Variants in ADAM22 observed in about 807,000 individuals in gnomAD.
The protein encoded by ADAM22 is disintegrin and metalloproteinase domain-containing protein 22.
ADAM22 carries 65 observed loss-of-function variants against 144.6 expected under a neutral mutation model. The ratio of observed to expected loss-of-function variants is 0.45; its 90% CI spans 0.37 to 0.55. The LOEUF is 0.55. Among genes scored for constraint, ADAM22 ranks in the 20% least tolerant of loss-of-function variants. The pLI, the probability that ADAM22 is intolerant of heterozygous loss-of-function variation, is 0.00. For synonymous variants in ADAM22, 391 were observed against 412.6 expected (o/e 0.95, Z 0.63); for missense variants, 974 against 1,184.9 (o/e 0.82, Z 2.61).
At chr7:88,050,597 C>A (rs1306627193) in intron 3 of ADAM22, among the ~76,000 whole-genome samples, 1 of 151,912 alleles carries the variant, frequency 6.6e-6, no homozygotes, top group Non-Finnish European at 1.5e-5. Flanking sequence ...GATTTGCATT[C>A]TCTGATGGCC....
intron 15 of ADAM22, among the ~76,000 whole-genome samples, chr7:88,143,401 A>G (rs1835382055): frequency 1.3e-5 from 2 of 152,172 alleles, no homozygotes; most frequent in South Asian, 4.1e-4. Context: ...ATTCAGAGTT[A>G]GTTTACAAAA....
At chr7:87,988,515 TAA>T (rs1788994055) in intron 3 of ADAM22, among the ~76,000 whole-genome samples, 1 of 152,212 alleles carries the variant, frequency 6.6e-6, no homozygotes, top group South Asian at 2.1e-4. Flanking sequence ...GGATATATAT[TAA>T]GTTAGTGTTT....
intron 2 of ADAM22, among the ~76,000 whole-genome samples, chr7:87,956,843 T>C (rs1846897110): frequency 6.6e-6 from 1 of 152,256 alleles, no homozygotes. Context: ...GTTATTTCCA[T>C]TCTTTGGCTA....
At chr7:87,945,482 A>G (rs1843465127) in intron 2 of ADAM22, among the ~76,000 whole-genome samples, 1 of 152,022 alleles carries the variant, frequency 6.6e-6, no homozygotes, top group African/African-American at 2.4e-5. Context: ...CAGTATGCTG[A>G]AGAATGAAGC....
chr7:88,091,528 G>A (rs1456061785), intron 4 of ADAM22, among the ~76,000 whole-genome samples: 13 of 152,222 alleles, frequency 8.5e-5, no homozygotes, highest in African/African-American at 3.1e-4. Flanking sequence ...TGGAGTAATA[G>A]CAAATACTTG....
At chr7:87,959,701 G>T (rs1039395547) in intron 2 of ADAM22, among the ~76,000 whole-genome samples, 3 of 151,988 alleles carry the variant, frequency 2.0e-5, no homozygotes, top group African/African-American at 7.2e-5. Flanking sequence ...TAGAAGAAAG[G>T]GCTTCTAAAA....
chr7:87,956,503 T>A (rs528631779), intron 2 of ADAM22, among the ~76,000 whole-genome samples: 12 of 152,228 alleles, frequency 7.9e-5, no homozygotes, highest in Non-Finnish European at 1.6e-4. Flanking sequence ...GGTATACGAT[T>A]GAGTTTTTGG....
At chr7:88,190,678 A>C (rs1473688534) in intron 30 of ADAM22, among the ~76,000 whole-genome samples, 1 of 152,212 alleles carries the variant, frequency 6.6e-6, no homozygotes, top group African/African-American at 2.4e-5. Context: ...AGTAGTCAAT[A>C]AAGGTCAGAA....
rs1831020605 is a variant in ADAM22 at position 88,128,620 on chromosome 7, A to G, written c.697A>G (p.Asn233Asp). The G allele has an allele frequency of 1.9e-6, 3 of 1,611,682 alleles. No individual in the cohort carries two copies. The highest frequency in any genetic ancestry group is 4.5e-5 in the East Asian group (2 of 44,804). ...SKRQLRRYPR[N>D]VEEETKYIEL... is the part of the protein sequence containing the mutation. Reference sequence around the variant, plus strand: ...GTTACAGCTTCGTCGATATCCTCGTAATGTAGAAGAAGAAACCAAATACAT... The same window carrying G: ...GTTACAGCTTCGTCGATATCCTCGTGATGTAGAAGAAGAAACCAAATACAT... The change falls in exon 9 of 32, where the codon AAT becomes GAT. Residue 233 changes from asparagine to aspartate, a missense_variant. Around this residue, in one of 2 missense-constraint regions of ADAM22, gnomAD observed 734 missense variants for 950.6 expected, o/e 0.77. Coordinates refer to ENST00000413139, the MANE Select transcript of ADAM22 (RefSeq NM_001324418.2).
intron 3 of ADAM22, among the ~76,000 whole-genome samples, chr7:87,979,534 A>G (rs1039231048): frequency 6.6e-6 from 1 of 152,104 alleles, no homozygotes; most frequent in African/African-American, 2.4e-5. Context: ...TGACATTGCC[A>G]TTTTTATAGG....
rs554519221 is a variant in ADAM22, at chr7:88,151,122, T to G, written c.1617+91T>G. Reference sequence around the variant, plus strand: ...ATCAAAATAGGAAGATCAATTTAAATGTTTGTAATCAATTCTGAAGATAAA... The same window carrying G: ...ATCAAAATAGGAAGATCAATTTAAAGGTTTGTAATCAATTCTGAAGATAAA... On this transcript the variant is annotated intron_variant, in intron 19 of 31. Transcript: ENST00000413139. 3.3e-6 allele frequency: 5 copies of G among 1,520,064 alleles called. No homozygotes were observed. The African/African-American group carries it at 5.5e-5, about 17-fold the overall frequency. 94.2% of individuals were successfully genotyped at this position (1,520,064 alleles called of 1,614,324 possible).
At chr7:88,195,066 T>G (rs1358294965) in intron 31 of ADAM22, among the ~76,000 whole-genome samples, 1 of 152,198 alleles carries the variant, frequency 6.6e-6, no homozygotes, top group Non-Finnish European at 1.5e-5. Context: ...ACTTACTCAC[T>G]TGGCTTTTTC....
chr7:87,960,276 T>C (rs925238457), intron 2 of ADAM22, among the ~76,000 whole-genome samples: 11 of 152,180 alleles, frequency 7.2e-5, no homozygotes, highest in African/African-American at 2.7e-4. Flanking sequence ...TCCATATGCT[T>C]TCATTTTAAG....
chr7:88,120,696 T>A (rs921612459), intron 7 of ADAM22, among the ~76,000 whole-genome samples: 1 of 152,238 alleles, frequency 6.6e-6, no homozygotes, highest in Non-Finnish European at 1.5e-5. Flanking sequence ...CAAATATGCC[T>A]TATGAATATA....
At chr7:88,085,741 A>T (rs1818273490) in intron 4 of ADAM22, among the ~76,000 whole-genome samples, 1 of 152,232 alleles carries the variant, frequency 6.6e-6, no homozygotes. Flanking sequence ...TATTTGCTGC[A>T]TCCCAAGCCC....
At chr7:88,046,691 T>C (rs904987344) in intron 3 of ADAM22, among the ~76,000 whole-genome samples, 1 of 152,324 alleles carries the variant, frequency 6.6e-6, no homozygotes, top group Non-Finnish European at 1.5e-5. Flanking sequence ...AAAAGTTTTA[T>C]AGCTTCAGGT....
At chr7:87,956,274 C>G (rs1846718108) in intron 2 of ADAM22, among the ~76,000 whole-genome samples, 1 of 152,136 alleles carries the variant, frequency 6.6e-6, no homozygotes, top group Admixed American at 6.5e-5. Context: ...ATCTTGGCTC[C>G]TCCTCTGAAA....
At chr7:88,121,238 T>C (rs1829222155) in intron 7 of ADAM22, among the ~76,000 whole-genome samples, 2 of 152,078 alleles carry the variant, frequency 1.3e-5, no homozygotes, top group Non-Finnish European at 2.9e-5. Flanking sequence ...CACATTTCCC[T>C]ACAGATTTTA....
rs539405743 is a variant in ADAM22 at position 87,991,655 on chromosome 7, C to T, written c.323+13243C>T. Among the ~76,000 whole-genome samples the T allele has an allele frequency of 1.9e-4, 29 of 152,280 alleles. No homozygotes were observed. The East Asian group carries it at 4.3e-3, about 22-fold the overall frequency. ...TGCTGGGATTACAGGCGTGAGCCACCGCGCCCGGCACTAGCCTTATTTTTA... is the reference window on the plus strand; with the variant it reads ...TGCTGGGATTACAGGCGTGAGCCACTGCGCCCGGCACTAGCCTTATTTTTA... On this transcript the variant is annotated intron_variant, in intron 3 of 31. Coordinates refer to ENST00000413139, the MANE Select transcript of ADAM22 (RefSeq NM_001324418.2).
Sources: gnomAD v4.1 joint callset for allele counts (sites outside exome capture counted in the v4.1 genomes callset) on GRCh38, gnomAD v4.1.1 for gene constraint, gnomAD v4.1.1 regional missense constraint, MANE v1.5 for transcripts, NCBI Gene and HGNC (gene_info 2026-07-23, HGNC 2026-07-21) for gene names.